CTNNA3: variants seen among roughly 807,000 people sequenced by gnomAD.
CTNNA3 encodes catenin alpha-3.
Under a neutral mutation model 95.7 loss-of-function variants are expected in CTNNA3, and 76 were observed. The ratio of observed to expected loss-of-function variants is 0.79; its 90% CI spans 0.66 to 0.96. CTNNA3 has a LOEUF of 0.96. CTNNA3 is among the 40% of genes least tolerant of loss of function. The pLI is 0.00. For missense variants in CTNNA3, 1,191 were observed against 1,089.8 expected (o/e 1.09, Z -1.31); for synonymous variants, 431 against 374.4 (o/e 1.15, Z -1.74).
intron 9 of CTNNA3, among the ~76,000 whole-genome samples, chr10:66,658,936 G>A (rs942316600): frequency 9.2e-5 from 14 of 152,126 alleles, no homozygotes; most frequent in South Asian, 6.2e-4. Flanking sequence ...GGATCCCCCC[G>A]CTTCAGCTTC....
At chr10:67,552,800 G>A (rs1447275269) in intron 3 of CTNNA3, among the ~76,000 whole-genome samples, 1 of 152,032 alleles carries the variant, frequency 6.6e-6, no homozygotes, top group African/African-American at 2.4e-5. Context: ...GTTTGCTGAG[G>A]ATAAGGACTT....
At position 65,919,088 on chromosome 10, in the gene CTNNA3, A is replaced by G. The variant is rs1195952176; in HGVS notation, c.*1242T>C. 2.0e-5 allele frequency: 3 copies of G among 152,168 alleles called. No individual in the cohort carries two copies. Among genetic ancestry groups the G allele is most frequent in the African/African-American group, 4.8e-5 (2 of 41,450 alleles). 9.4% of individuals were successfully genotyped at this position (152,168 alleles called of 1,614,324 possible). ...TATGAATGAGAAAAAATGAAAACAA[A>G]ACTTATGGCCTCCAAAGAGTTTCTG... On this transcript the variant is annotated 3_prime_UTR_variant, in exon 18 of 18. Transcript: ENST00000433211.
At chr10:66,407,206 GA>G (rs75023003) in intron 11 of CTNNA3, among the ~76,000 whole-genome samples, 47,766 of 136,104 alleles carry the variant, frequency 0.35, 8,341 homozygotes, top group African/African-American at 0.48. Flanking sequence ...GTGCTTAAAA[GA>G]AAAAAAAAAA....
chr10:66,790,428 G>T (rs1250671329), intron 7 of CTNNA3, among the ~76,000 whole-genome samples: 1 of 152,130 alleles, frequency 6.6e-6, no homozygotes, highest in African/African-American at 2.4e-5. Context: ...CTGCACTCCA[G>T]TCTGGGCGAC....
At chr10:67,696,727 T>C (rs1840971157), upstream of CTNNA3, among the ~76,000 whole-genome samples, 1 of 152,132 alleles carries the variant, frequency 6.6e-6, no homozygotes, top group African/African-American at 2.4e-5. Flanking sequence ...AAAAAAAGTC[T>C]TCTCCACCAA....
At chr10:67,242,061 C>T (rs1865734176) in intron 5 of CTNNA3, among the ~76,000 whole-genome samples, 1 of 152,190 alleles carries the variant, frequency 6.6e-6, no homozygotes, top group African/African-American at 2.4e-5. Flanking sequence ...TTTAACTCTG[C>T]CCATCTGCGG....
intron 10 of CTNNA3, among the ~76,000 whole-genome samples, chr10:66,529,692 T>C (rs1206699328): frequency 6.6e-6 from 1 of 152,148 alleles, no homozygotes; most frequent in Non-Finnish European, 1.5e-5. Flanking sequence ...GGCATGTTTC[T>C]AATTACTTGA....
intron 13 of CTNNA3, among the ~76,000 whole-genome samples, chr10:66,234,031 T>TA (rs887849077): frequency 2.8e-4 from 42 of 152,262 alleles, no homozygotes; most frequent in African/African-American, 9.6e-4. Context: ...TATATAAAAC[T>TA]AAAAAATAAC....
intron 5 of CTNNA3, among the ~76,000 whole-genome samples, chr10:67,519,788 T>A (rs1278311294): frequency 6.6e-6 from 1 of 152,182 alleles, no homozygotes; most frequent in Non-Finnish European, 1.5e-5. Flanking sequence ...AAGAGGAAAC[T>A]TTCTTGCTAA....
At chr10:66,197,691 A>C (rs1426619781) in intron 13 of CTNNA3, among the ~76,000 whole-genome samples, 1 of 152,176 alleles carries the variant, frequency 6.6e-6, no homozygotes, top group Non-Finnish European at 1.5e-5. Context: ...TTAAGTAGAA[A>C]TTCTCAAAAA....
Position 66,169,415 on chromosome 10 carries a change from C to T in CTNNA3, c.1885-66166G>A, listed in dbSNP as rs546849870. ...GTATATAATAGTTTCTTTATCCACT[C>T]GTTGGTTGATGGGCATTTGGGCTGG... On this transcript the variant is annotated intron_variant, in intron 13 of 17. Coordinates refer to ENST00000433211, the MANE Select transcript of CTNNA3 (RefSeq NM_013266.4). Among the ~76,000 whole-genome samples, 8 of 152,220 alleles carry T rather than the reference C, an allele frequency of 5.3e-5. No individual in the cohort carries two copies. In the South Asian group the frequency reaches 1.0e-3, roughly 20 times the overall value.
chr10:67,162,962 T>C (rs1193308037), intron 7 of CTNNA3, among the ~76,000 whole-genome samples: 1 of 151,968 alleles, frequency 6.6e-6, no homozygotes, highest in Admixed American at 6.5e-5. Flanking sequence ...TAAATAGCTC[T>C]ATAATTATTA....
At chr10:66,602,294 T>C (rs145832678) in intron 10 of CTNNA3, among the ~76,000 whole-genome samples, 1 of 152,108 alleles carries the variant, frequency 6.6e-6, no homozygotes, top group African/African-American at 2.4e-5. Context: ...AAATGACATT[T>C]AAAAATAATG....
chr10:66,447,868 C>T (rs1428483356), intron 11 of CTNNA3, among the ~76,000 whole-genome samples: 2 of 152,136 alleles, frequency 1.3e-5, no homozygotes, highest in Non-Finnish European at 2.9e-5. Flanking sequence ...GCAAAAGAAG[C>T]TACCATCAGA....
At chr10:66,437,699 C>T (rs1468457306) in intron 11 of CTNNA3, among the ~76,000 whole-genome samples, 3 of 152,282 alleles carry the variant, frequency 2.0e-5, no homozygotes, top group Non-Finnish European at 4.4e-5. Context: ...AAGCCTACTT[C>T]TGTCAATTCA....
chr10:66,664,795 G>C (rs750487262), intron 9 of CTNNA3, among the ~76,000 whole-genome samples: 1 of 151,072 alleles, frequency 6.6e-6, no homozygotes, highest in Admixed American at 6.6e-5. Context: ...TGCCTTTCAG[G>C]ATCCTTTGAT....
At chr10:66,766,690 A>G (rs1205375736) in intron 8 of CTNNA3, among the ~76,000 whole-genome samples, 1 of 152,200 alleles carries the variant, frequency 6.6e-6, no homozygotes, top group Non-Finnish European at 1.5e-5. Context: ...AAAAATGGTA[A>G]TACTTTCTTT....
At chr10:66,305,111 G>A (rs759804382) in intron 12 of CTNNA3, among the ~76,000 whole-genome samples, 4 of 151,776 alleles carry the variant, frequency 2.6e-5, no homozygotes, top group Non-Finnish European at 4.4e-5. Flanking sequence ...CCCTGATTTC[G>A]GCTAGCCAAG....
chr10:67,185,428 T>C (rs1317134046), intron 6 of CTNNA3, among the ~76,000 whole-genome samples: 1 of 152,018 alleles, frequency 6.6e-6, no homozygotes, highest in East Asian at 1.9e-4. Context: ...GGCCGGCCTT[T>C]TTTTCCTTTT....
Sources: allele counts gnomAD v4.1 joint callset (sites outside exome capture counted in the v4.1 genomes callset), GRCh38; gene constraint gnomAD v4.1.1; transcripts MANE v1.5; gene names NCBI Gene and HGNC (gene_info 2026-07-23, HGNC 2026-07-21).